The following CCDC170 variants were observed in gnomAD, a reference collection of about 807,000 sequenced individuals.
CCDC170 encodes the protein coiled-coil domain containing 170.
CCDC170 carries 69 observed loss-of-function variants against 72.6 expected under a neutral mutation model. The ratio of observed to expected loss-of-function variants is 0.95; its 90% CI spans 0.78 to 1.16. The LOEUF (loss-of-function observed/expected upper bound fraction) is 1.16. Among genes scored for constraint, CCDC170 ranks in the 50% most tolerant of loss-of-function variants. The pLI, the probability that CCDC170 is intolerant of heterozygous loss-of-function variation, is 0.00. For missense variants in CCDC170, 852 were observed against 832.5 expected (o/e 1.02, Z -0.29); for synonymous variants, 300 against 303.9 (o/e 0.99, Z 0.13).
chr6:151,534,705 C>A (rs976577043), intron 1 of CCDC170, among the ~76,000 whole-genome samples: 1 of 152,134 alleles, frequency 6.6e-6, no homozygotes, highest in Non-Finnish European at 1.5e-5. Flanking sequence ...CTAAGAGCTC[C>A]GAAGGTTTTG....
At chr6:151,516,571 T>G (rs540555550) in intron 1 of CCDC170, among the ~76,000 whole-genome samples, 1 of 151,872 alleles carries the variant, frequency 6.6e-6, no homozygotes, top group East Asian at 1.9e-4. Context: ...ACCAAGAAGA[T>G]TAAGGACACA....
chr6:151,589,009 T>A (rs1190140634), intron 7 of CCDC170, among the ~76,000 whole-genome samples: 1 of 151,798 alleles, frequency 6.6e-6, no homozygotes, highest in African/African-American at 2.4e-5. Flanking sequence ...ATCTCAGCAC[T>A]TTAGGAGGCT....
chr6:151,509,255 T>C (rs1319849755), intron 1 of CCDC170, among the ~76,000 whole-genome samples: 1 of 150,914 alleles, frequency 6.6e-6, no homozygotes, highest in African/African-American at 2.5e-5. Flanking sequence ...TCTATCTATC[T>C]ATCTATGAAT....
chr6:151,549,495 A>T (rs895375018), intron 5 of CCDC170, among the ~76,000 whole-genome samples: 1 of 152,228 alleles, frequency 6.6e-6, no homozygotes, highest in Non-Finnish European at 1.5e-5. Context: ...CAAAATTCTA[A>T]ATGTACAGGA....
At chr6:151,593,765 A>G (rs550884853) in intron 8 of CCDC170, among the ~76,000 whole-genome samples, 1 of 151,464 alleles carries the variant, frequency 6.6e-6, no homozygotes, top group South Asian at 2.1e-4. Context: ...CTGCAAAAGA[A>G]CAAGCAGAGG....
At chr6:151,559,096 T>C (rs1377317928) in intron 5 of CCDC170, among the ~76,000 whole-genome samples, 1 of 150,020 alleles carries the variant, frequency 6.7e-6, no homozygotes, top group East Asian at 1.9e-4. Flanking sequence ...CACTGCAACT[T>C]CCACCTCCCA....
intron 5 of CCDC170, among the ~76,000 whole-genome samples, chr6:151,552,704 C>G (rs1401994536): frequency 6.6e-6 from 1 of 150,612 alleles, no homozygotes; most frequent in Non-Finnish European, 1.5e-5. Context: ...TCCTCGATCT[C>G]TGGCTGAAGA....
intron 1 of CCDC170, among the ~76,000 whole-genome samples, chr6:151,527,811 A>G (rs1342382443): frequency 6.6e-6 from 1 of 152,116 alleles, no homozygotes; most frequent in Non-Finnish European, 1.5e-5. Flanking sequence ...TGGGACAAAG[A>G]GTAGATTGGT....
At chr6:151,512,047 G>T (rs1395075006) in intron 1 of CCDC170, among the ~76,000 whole-genome samples, 1 of 151,702 alleles carries the variant, frequency 6.6e-6, no homozygotes, top group African/African-American at 2.4e-5. Flanking sequence ...GTCTCACCAT[G>T]TTGCCCAGGC....
rs114529968 is a variant in CCDC170, at chr6:151,616,074, G to A, written c.1947+395G>A. Among the ~76,000 whole-genome samples, 711 of 152,160 alleles carry A rather than the reference G, an allele frequency of 4.7e-3. 9 individuals are homozygous for A. The highest frequency in any genetic ancestry group is 0.017 in the African/African-American group (690 of 41,526). ...CTTATTCAAGCAGCGGAAGGGTTTT[G>A]GTGAAAAAACAGGTTCTGGTTCTGG... On this transcript the variant is annotated intron_variant, in intron 10 of 10. Coordinates refer to ENST00000239374, the MANE Select transcript of CCDC170 (RefSeq NM_025059.4).
intron 1 of CCDC170, among the ~76,000 whole-genome samples, chr6:151,529,637 C>T (rs1782465380): frequency 6.6e-6 from 1 of 152,080 alleles, no homozygotes; most frequent in Non-Finnish European, 1.5e-5. Context: ...ACCCTGCTGA[C>T]AGAGCTAGGC....
chr6:151,552,710 G>C (rs1004619596), intron 5 of CCDC170, among the ~76,000 whole-genome samples: 1 of 149,632 alleles, frequency 6.7e-6, no homozygotes, highest in Non-Finnish European at 1.5e-5. Flanking sequence ...ATCTCTGGCT[G>C]AAGAAGTCAT....
intron 6 of CCDC170, among the ~76,000 whole-genome samples, chr6:151,581,094 G>A (rs4869740): frequency 0.91 from 138,573 of 152,256 alleles, 63,239 homozygotes; most frequent in East Asian, 0.99. Flanking sequence ...ACTGCTGATC[G>A]GAGTGATGGT....
intron 2 of CCDC170, among the ~76,000 whole-genome samples, chr6:151,536,713 T>G (rs1347233418): frequency 7.6e-6 from 1 of 130,742 alleles, no homozygotes; most frequent in East Asian, 2.4e-4. Flanking sequence ...AGGTGGAGGT[T>G]GCAGTGAGGC....
rs575272602 is a variant in CCDC170 at position 151,536,295 on chromosome 6, G to A, written c.58-23G>A. On this transcript the variant is annotated intron_variant, in intron 1 of 10. Transcript: ENST00000239374. ...CGTTTAACACTCTTCTTTATATTTT[G>A]TATTTTGGGGGAATTCTACCAGGAA... is the stretch of plus-strand genomic sequence containing the variant. The A allele has an allele frequency of 3.7e-6, 6 of 1,611,796 alleles. No individual in the cohort carries two copies. In the East Asian group the frequency reaches 1.1e-4, roughly 30 times the overall value.
At chr6:151,534,119 C>T (rs1266199362) in intron 1 of CCDC170, among the ~76,000 whole-genome samples, 1 of 148,246 alleles carries the variant, frequency 6.7e-6, no homozygotes, top group Non-Finnish European at 1.5e-5. Flanking sequence ...GGTTGGAGTG[C>T]AGTGGTGCGA....
chr6:151,568,946 TG>T (rs1016298233), intron 5 of CCDC170, among the ~76,000 whole-genome samples: 2 of 152,220 alleles, frequency 1.3e-5, no homozygotes, highest in Admixed American at 1.3e-4. Flanking sequence ...TCCTCAGGAC[TG>T]GAACTTCAGG....
chr6:151,551,114 C>T (rs1782871511), intron 5 of CCDC170, among the ~76,000 whole-genome samples: 1 of 152,100 alleles, frequency 6.6e-6, no homozygotes. Flanking sequence ...TGACAATGAT[C>T]ACCCACCCAC....
intron 9 of CCDC170, among the ~76,000 whole-genome samples, chr6:151,599,966 T>C (rs1210839114): frequency 6.6e-6 from 1 of 152,208 alleles, no homozygotes; most frequent in Non-Finnish European, 1.5e-5. Flanking sequence ...CAGATCCACA[T>C]ACTTTTACAG....
Sources: gnomAD v4.1 joint callset for allele counts (sites outside exome capture counted in the v4.1 genomes callset) on GRCh38, gnomAD v4.1.1 for gene constraint, MANE v1.5 for transcripts, NCBI Gene and HGNC (gene_info 2026-07-23, HGNC 2026-07-21) for gene names.